TCF7L1: variants seen among roughly 807,000 people sequenced by gnomAD.
TCF7L1 encodes the protein transcription factor 7-like 1.
A neutral mutation model predicts 63.7 loss-of-function variants in TCF7L1; 18 were observed. The ratio of observed to expected loss-of-function variants is 0.28; its 90% confidence interval spans 0.20 to 0.42. TCF7L1 has a LOEUF of 0.42. TCF7L1 is among the 10% of genes least tolerant of loss of function. The pLI, the probability that TCF7L1 is intolerant of heterozygous loss-of-function variation, is 1.00. For missense variants in TCF7L1, 654 were observed against 779.3 expected (o/e 0.84, Z 1.91); for synonymous variants, 355 against 340.9 (o/e 1.04, Z -0.46).
At chr2:85,155,456 A>G (rs1210417546) in intron 3 of TCF7L1, among the ~76,000 whole-genome samples, 1 of 152,182 alleles carries the variant, frequency 6.6e-6, no homozygotes, top group African/African-American at 2.4e-5. Context: ...GTGAAGGTCC[A>G]CAGCTTCATT....
At chr2:85,274,875 C>T (rs537017196) in intron 3 of TCF7L1, among the ~76,000 whole-genome samples, 2 of 152,266 alleles carry the variant, frequency 1.3e-5, no homozygotes, top group South Asian at 4.2e-4. Flanking sequence ...ACAAGCTCCC[C>T]GCATGCCCCA....
chr2:85,259,409 G>A (rs192378332), intron 3 of TCF7L1, among the ~76,000 whole-genome samples: 18 of 152,310 alleles, frequency 1.2e-4, no homozygotes, highest in East Asian at 7.7e-4. Context: ...CTTAGTGCTC[G>A]CTGCTGGGAG....
chr2:85,153,340 A>AT (rs66697146), intron 3 of TCF7L1, among the ~76,000 whole-genome samples: 1,515 of 102,240 alleles, frequency 0.015, 79 homozygotes, highest in South Asian at 0.04. Context: ...GCCTTTATAA[A>AT]TTTTTTTTTT....
chr2:85,201,696 C>T (rs766963584), intron 3 of TCF7L1, among the ~76,000 whole-genome samples: 2 of 152,182 alleles, frequency 1.3e-5, no homozygotes, highest in African/African-American at 2.4e-5. Flanking sequence ...TCCAAAATGG[C>T]TACACCATTT....
intron 3 of TCF7L1, among the ~76,000 whole-genome samples, chr2:85,170,083 CAG>C: frequency 6.6e-6 from 1 of 152,140 alleles, no homozygotes; most frequent in South Asian, 2.1e-4. Context: ...ATGAATATTT[CAG>C]AGAGAGGAGG....
intron 3 of TCF7L1, among the ~76,000 whole-genome samples, chr2:85,222,368 A>C (rs556140976): frequency 1.3e-3 from 198 of 148,660 alleles, no homozygotes; most frequent in Non-Finnish European, 1.7e-3. Context: ...AACAAACAAA[A>C]AAAAAAACAC....
intron 3 of TCF7L1, among the ~76,000 whole-genome samples, chr2:85,135,121 G>T (rs1299992258): frequency 6.6e-6 from 1 of 152,164 alleles, no homozygotes; most frequent in Non-Finnish European, 1.5e-5. Flanking sequence ...TAATGGGCGC[G>T]TATTGTGTGC....
rs956506217 is a variant in TCF7L1 at position 85,306,959 on chromosome 2, C to G, written c.1257+400C>G. ...GATTACAGGCGTGAGCCACCGCGCC[C>G]GGCCAGCGACTGCATTTATAGAGGA... On this transcript the variant is annotated intron_variant, in intron 10 of 11. Transcript: ENST00000282111. This position sits in a 1 kb window ranked among gnomAD's most constrained non-coding sequence, Gnocchi z 4.3. Among the ~76,000 whole-genome samples the G allele has an allele frequency of 6.6e-6, 1 of 152,182 alleles. No individual in the cohort carries two copies. The highest frequency in any genetic ancestry group is 2.4e-5 in the African/African-American group (1 of 41,442).
At chr2:85,172,034 G>A (rs1209820780) in intron 3 of TCF7L1, among the ~76,000 whole-genome samples, 1 of 151,994 alleles carries the variant, frequency 6.6e-6, no homozygotes, top group African/African-American at 2.4e-5. Flanking sequence ...CTCCCGCACC[G>A]TCCAATGAGA....
intron 4 of TCF7L1, among the ~76,000 whole-genome samples, chr2:85,287,669 A>G (rs1173306661): frequency 6.6e-6 from 1 of 152,206 alleles, no homozygotes; most frequent in South Asian, 2.1e-4. Context: ...AGGCCTCAAA[A>G]ACTTAAGGAA....
chr2:85,142,851 C>A (rs1319723213), intron 3 of TCF7L1, among the ~76,000 whole-genome samples: 1 of 152,220 alleles, frequency 6.6e-6, no homozygotes, highest in Non-Finnish European at 1.5e-5. Context: ...TAGTTTCTTT[C>A]TGAGACTCAC....
chr2:85,180,821 A>G (rs1248001268), intron 3 of TCF7L1, among the ~76,000 whole-genome samples: 1 of 152,214 alleles, frequency 6.6e-6, no homozygotes, highest in African/African-American at 2.4e-5. Flanking sequence ...ATAGGTAAGG[A>G]AGCTGAGGTG....
intron 3 of TCF7L1, among the ~76,000 whole-genome samples, chr2:85,183,839 C>G (rs1678857753): frequency 1.3e-5 from 2 of 152,174 alleles, no homozygotes; most frequent in African/African-American, 4.8e-5. Flanking sequence ...CTGTACTGCT[C>G]AACCCACTTC....
intron 3 of TCF7L1, among the ~76,000 whole-genome samples, chr2:85,138,201 A>G (rs1464980274): frequency 6.6e-6 from 1 of 152,124 alleles, no homozygotes; most frequent in South Asian, 2.1e-4. Context: ...TTCTCAGACC[A>G]TCTCATCTCA....
At chr2:85,264,624 T>C (rs883650) in intron 3 of TCF7L1, among the ~76,000 whole-genome samples, 55,750 of 152,102 alleles carry the variant, frequency 0.37, 11,004 homozygotes, top group Non-Finnish European at 0.45. Context: ...CTAGAATTGG[T>C]GTTCTACTAG....
At chr2:85,220,179 C>A (rs764699123) in intron 3 of TCF7L1, among the ~76,000 whole-genome samples, 38 of 151,870 alleles carry the variant, frequency 2.5e-4, no homozygotes, top group Non-Finnish European at 4.6e-4. Flanking sequence ...ACCTTTAGGA[C>A]AACATTACTT....
chr2:85,284,144 G>A (rs1335054883), intron 4 of TCF7L1, among the ~76,000 whole-genome samples: 1 of 152,194 alleles, frequency 6.6e-6, no homozygotes, highest in African/African-American at 2.4e-5. Context: ...CCAAGTAGCT[G>A]GGACTACAGG....
intron 3 of TCF7L1, among the ~76,000 whole-genome samples, chr2:85,205,881 A>G (rs1423938997): frequency 6.6e-6 from 1 of 152,240 alleles, no homozygotes; most frequent in East Asian, 1.9e-4. Flanking sequence ...TCTTTAAAAC[A>G]GTGGACTTGA....
chr2:85,179,988 A>C (rs1678762984), intron 3 of TCF7L1, among the ~76,000 whole-genome samples: 1 of 151,980 alleles, frequency 6.6e-6, no homozygotes, highest in Non-Finnish European at 1.5e-5. Context: ...AATAATTGTT[A>C]ATGGCTTCAC....
Sources: allele counts gnomAD v4.1 joint callset (sites outside exome capture counted in the v4.1 genomes callset), GRCh38; gene constraint gnomAD v4.1.1; non-coding constraint Gnocchi (gnomAD v3.1); transcripts MANE v1.5; gene names NCBI Gene and HGNC (gene_info 2026-07-23, HGNC 2026-07-21).